TNKS2: variants seen among roughly 807,000 people sequenced by gnomAD.
TNKS2 encodes the protein poly [ADP-ribose] polymerase tankyrase-2.
Under a neutral mutation model 137.6 loss-of-function variants are expected in TNKS2, and 72 were observed. The observed-to-expected ratio is 0.52, with a 90% CI of 0.43 to 0.64. The LOEUF (loss-of-function observed/expected upper bound fraction) is 0.64, where lower values mean the gene tolerates loss of function less well. Among genes scored for constraint, TNKS2 ranks in the 30% least tolerant of loss-of-function variants. The pLI, the probability that TNKS2 is intolerant of heterozygous loss-of-function variation, is 0.00. For synonymous variants in TNKS2, 516 were observed against 512.1 expected, an observed-to-expected ratio of 1.01 and a Z score of -0.10; for missense variants, 1,049 against 1,410.2, an observed-to-expected ratio of 0.74 and a Z score of 4.10.
intron 13 of TNKS2, 92 bp from the exon 14 acceptor site, chr10:91,840,469 T>TCAGG: frequency 8.7e-7 from 1 of 1,151,054 alleles, no homozygotes; most frequent in Non-Finnish European, 1.2e-6. Flanking sequence ...AGAAAATAAG[T>TCAGG]CAGACACTTT....
In TNKS2 at chr10:91,844,944, A is replaced by G; in HGVS notation, c.2085A>G (p.Ala695=). ...CTGGTTATAATAATTTAGAAGTTGC[A>G]GAGTATTTGTTACAACACGGAGCTG... ...LAAGYNNLEV[A]EYLLQHGADV... Residue 695 remains alanine, a synonymous_variant, in exon 17 of 27, where the codon GCA becomes GCG. Coordinates refer to ENST00000371627, the MANE Select transcript of TNKS2 (RefSeq NM_025235.4). 6.2e-7 allele frequency: 1 copy of G among 1,611,268 alleles called. No homozygotes were observed. Among genetic ancestry groups the G allele is most frequent in the Non-Finnish European group, 8.5e-7 (1 of 1,178,768 alleles).
intron 22 of TNKS2, 23 bp from the exon 23 acceptor site, chr10:91,855,591 A>G (rs1299418579): frequency 2.5e-6 from 4 of 1,595,522 alleles, no homozygotes; most frequent in African/African-American, 2.7e-5. Context: ...ATGCACATAT[A>G]TTTCAAACCA....
rs546449347 is a variant in TNKS2, at chr10:91,816,186, G to C, written c.425-948G>C. 5.4e-3 allele frequency among the ~76,000 whole-genome samples: 827 copies of C among 152,094 alleles called. 6 individuals carry two copies. Among genetic ancestry groups the C allele is most frequent in the African/African-American group, 0.019 (788 of 41,482 alleles). On this transcript the variant is annotated intron_variant, in intron 2 of 26. Coordinates refer to ENST00000371627, the MANE Select transcript of TNKS2 (RefSeq NM_025235.4). ...GATGGTCTCGATCTCCTGACCTCAT[G>C]ATCTGCCCGCCTCGGCCTCCCAAAG...
chr10:91,804,042 A>G (rs1844253596), intron 1 of TNKS2, among the ~76,000 whole-genome samples: 1 of 149,428 alleles, frequency 6.7e-6, no homozygotes, highest in Admixed American at 6.6e-5. Context: ...GTGTAGCAGC[A>G]AAATGTGATA....
chr10:91,845,107 G>A, intron 17 of TNKS2, 79 bp downstream of exon 17: 1 of 885,514 alleles, frequency 1.1e-6, no homozygotes, highest in East Asian at 2.6e-5. Flanking sequence ...ATGGAATGTA[G>A]TTTGATGTTC....
chr10:91,860,060 G>C (rs931309817), intron 25 of TNKS2, among the ~76,000 whole-genome samples: 3 of 152,082 alleles, frequency 2.0e-5, no homozygotes, highest in Non-Finnish European at 4.4e-5. Flanking sequence ...CTTCCACTGT[G>C]ATACGATCCT....
rs1413400913 is a variant in TNKS2 at position 91,798,592 on chromosome 10, A to G, written c.-99A>G. 6.7e-6 allele frequency: 8 copies of G among 1,189,668 alleles called. No individual in the cohort carries two copies. Among genetic ancestry groups the G allele is most frequent in the African/African-American group, 4.8e-5 (3 of 62,874 alleles). The allele number at this position is 1,189,668 out of a possible 1,614,324, so 73.7% of individuals were successfully genotyped here. ...AGGGAGCCAAGCGGCCCGGGCCCTG[A>G]GCGCGTCTTCTCCGGGGGGCCTCGC... On this transcript the variant is annotated 5_prime_UTR_variant, in exon 1 of 27. Transcript: ENST00000371627.
At chr10:91,813,432 TC>T (rs1844573402) in intron 2 of TNKS2, among the ~76,000 whole-genome samples, 1 of 152,212 alleles carries the variant, frequency 6.6e-6, no homozygotes, top group Non-Finnish European at 1.5e-5. Flanking sequence ...ACTTGCATTC[TC>T]TTGGGAGAGA....
intron 21 of TNKS2, 132 bp downstream of exon 21, chr10:91,851,468 A>G: frequency 9.3e-7 from 1 of 1,077,270 alleles, no homozygotes; most frequent in Non-Finnish European, 1.3e-6. Flanking sequence ...GGATTCAGGA[A>G]ACTGGGATTA....
At chr10:91,832,843 TAGAA>T (rs762248123) in intron 11 of TNKS2, among the ~76,000 whole-genome samples, 48 of 152,112 alleles carry the variant, frequency 3.2e-4, no homozygotes, top group Non-Finnish European at 3.4e-4. Context: ...TATAACCAAG[TAGAA>T]AGAATTTTGC....
chr10:91,827,631 CT>C (rs1268230647), intron 8 of TNKS2, among the ~76,000 whole-genome samples: 1 of 152,162 alleles, frequency 6.6e-6, no homozygotes, highest in Non-Finnish European at 1.5e-5. Context: ...GTTCGGTTTT[CT>C]GTCTATAGCT....
chr10:91,820,692 A>C (rs1004418064), intron 6 of TNKS2, among the ~76,000 whole-genome samples: 4 of 152,242 alleles, frequency 2.6e-5, no homozygotes, highest in Non-Finnish European at 5.9e-5. Context: ...GGTGCGTTTG[A>C]AAGCAATGTG....
intron 1 of TNKS2, 106 bp downstream of exon 1, chr10:91,798,995 A>G (rs1844066202): frequency 1.6e-5 from 20 of 1,251,210 alleles, no homozygotes; most frequent in Non-Finnish European, 2.0e-5. Flanking sequence ...TTTCTCCAGG[A>G]CTCTGGTCCT....
intron 16 of TNKS2, among the ~76,000 whole-genome samples, chr10:91,843,000 A>T (rs1217052500): frequency 2.0e-5 from 3 of 152,104 alleles, no homozygotes; most frequent in African/African-American, 4.8e-5. Flanking sequence ...CCTTTGGTAA[A>T]CAAGTTTTGA....
At chr10:91,829,020 A>G (rs1468149345) in intron 9 of TNKS2, among the ~76,000 whole-genome samples, 1 of 152,182 alleles carries the variant, frequency 6.6e-6, no homozygotes, top group Non-Finnish European at 1.5e-5. Flanking sequence ...ATTGAAAGGT[A>G]GAAAAAAAGA....
Position 91,798,662 on chromosome 10 carries a change from T to C in TNKS2, c.-29T>C, listed in dbSNP as rs1384293137. On this transcript the variant is annotated 5_prime_UTR_variant, in exon 1 of 27. Transcript: ENST00000371627. ...GGGCTCCTGCTCCGGTTGCTGGCGC[T>C]GTTGCTGGCTGTGGCGGCGGCCAGG... 7 of 1,220,252 alleles carry C rather than the reference T, an allele frequency of 5.7e-6. No homozygotes were observed. Among genetic ancestry groups the C allele is most frequent in the Non-Finnish European group, 7.2e-6 (7 of 979,002 alleles). The allele number at this position is 1,220,252 out of a possible 1,614,324, so 75.6% of individuals were successfully genotyped here.
intron 1 of TNKS2, among the ~76,000 whole-genome samples, chr10:91,806,761 T>C (rs1381560733): frequency 2.6e-5 from 4 of 152,228 alleles, no homozygotes; most frequent in Admixed American, 6.5e-5. Context: ...CACAACAGCA[T>C]ACATTTTATG....
intron 8 of TNKS2, 50 bp downstream of exon 8, chr10:91,827,253 G>A (rs575848498): frequency 7.6e-7 from 1 of 1,317,006 alleles, no homozygotes; most frequent in Admixed American, 2.8e-5. Flanking sequence ...TCAATAAACT[G>A]AACATTTTTT....
At chr10:91,810,108 T>G (rs1410245334) in intron 1 of TNKS2, among the ~76,000 whole-genome samples, 1 of 152,042 alleles carries the variant, frequency 6.6e-6, no homozygotes, top group Non-Finnish European at 1.5e-5. Context: ...CTGGGCCCAG[T>G]GCGGTGGCTT....
Sources: gnomAD v4.1 joint callset for allele counts (sites outside exome capture counted in the v4.1 genomes callset) on GRCh38, gnomAD v4.1.1 for gene constraint, MANE v1.5 for transcripts, NCBI Gene and HGNC (gene_info 2026-07-23, HGNC 2026-07-21) for gene names.